Variants in EDDM3A observed in about 807,000 individuals in gnomAD.
EDDM3A encodes the protein epididymal secretory protein E3-alpha.
For missense variants in EDDM3A, 199 were observed against 177.4 expected (o/e 1.12, Z -0.69); for synonymous variants, 75 against 60.4 (o/e 1.24, Z -1.12).
At chr14:20,744,639 G>C (rs1178582371), upstream of EDDM3A, among the ~76,000 whole-genome samples, 2 of 152,182 alleles carry the variant, frequency 1.3e-5, no homozygotes, top group African/African-American at 4.8e-5. Flanking sequence ...TTTGAGCTGA[G>C]TTCAGGACTG....
upstream of EDDM3A, among the ~76,000 whole-genome samples, chr14:20,744,414 G>A (rs1467175097): frequency 6.6e-6 from 1 of 152,230 alleles, no homozygotes; most frequent in Non-Finnish European, 1.5e-5. Context: ...TTGGCTAGGA[G>A]CAGCCTTTGG....
Position 20,747,627 on chromosome 14 carries a change from G to A in EDDM3A, c.47G>A (p.Cys16Tyr), listed in dbSNP as rs1239591142. 6.2e-7 allele frequency: 1 copy of A among 1,613,306 alleles called. No homozygotes were observed. The highest frequency in any genetic ancestry group is 8.5e-7 in the Non-Finnish European group (1 of 1,179,652). The change falls in exon 2 of 2, where the codon TGC (cysteine) becomes TAC (tyrosine). Residue 16 changes from cysteine (C) to tyrosine (Y), a missense_variant. Transcript: ENST00000326842. ...TGGGGCATACTCTTGGCCCTGCTTTGCATCCTTTGCAGGCTGTGTGTATAC... is the reference window on the plus strand; with the variant it reads ...TGGGGCATACTCTTGGCCCTGCTTTACATCCTTTGCAGGCTGTGTGTATAC... The part of the protein sequence containing the change: ...KIWGILLALL[C>Y]ILCRLCVYSN...
At position 20,747,857 on chromosome 14, in the gene EDDM3A, T is replaced by C. The variant is rs749868875; in HGVS notation, c.277T>C (p.Tyr93His). Residue 93 changes from tyrosine to histidine, a missense_variant, in exon 2 of 2, where the codon TAT becomes CAT. Tyr to His is a moderately conservative substitution (Grantham distance 83). Coordinates refer to ENST00000326842, the MANE Select transcript of EDDM3A (RefSeq NM_006683.5). The part of the protein sequence containing the change: ...EKGSDRYRNA[Y>H]VWAPGALKVL... ...GGGGAGCGACCGATATAGAAATGCA[T>C]ATGTATGGGCCCCAGGTGCCCTCAA... is the stretch of plus-strand genomic sequence containing the variant. 2 of 1,614,018 alleles carry C rather than the reference T, an allele frequency of 1.2e-6. No homozygotes were observed. The highest frequency in any genetic ancestry group is 1.3e-5 in the African/African-American group (1 of 74,902).
chr14:20,739,148 T>G, the EDDM3A span, among the ~76,000 whole-genome samples: 14 of 152,326 alleles, frequency 9.2e-5, no homozygotes, highest in East Asian at 2.7e-3. Context: ...CTATAGTAGA[T>G]TCTCACAAAT....
At chr14:20,747,521 G>A (rs1877631960) in intron 1 of EDDM3A, 34 bp from the exon 2 acceptor site, 1 of 1,347,718 alleles carries the variant, frequency 7.4e-7, no homozygotes, top group Admixed American at 2.2e-5. Flanking sequence ...TCTGAGTATA[G>A]TCTGGTTAAT....
chr14:20,744,258 T>C (rs1005374579), upstream of EDDM3A, among the ~76,000 whole-genome samples: 7 of 152,176 alleles, frequency 4.6e-5, no homozygotes, highest in African/African-American at 1.7e-4. Context: ...CTATCTCCCG[T>C]CCATCCAGTC....
rs200399429 is a variant in EDDM3A at position 20,747,760 on chromosome 14, G to A, written c.180G>A (p.Leu60=). The A allele has an allele frequency of 2.9e-5, 47 of 1,614,180 alleles. No homozygotes were observed. The highest frequency in any genetic ancestry group is 3.3e-4 in the Middle Eastern group (2 of 6,062). ...TCCTCATGAGAGAAAAAGAGGCTCTGAAAGGCAAGAGCTTTCATATGTTCA... is the reference window on the plus strand; with the variant it reads ...TCCTCATGAGAGAAAAAGAGGCTCTAAAAGGCAAGAGCTTTCATATGTTCA... ...CDVLMREKEA[L]KGKSFHMFIY... The change falls in exon 2 of 2, where the codon CTG becomes CTA. Residue 60 remains leucine, a synonymous_variant. Coordinates refer to ENST00000326842, the MANE Select transcript of EDDM3A (RefSeq NM_006683.5).
At chr14:20,743,142 C>T (rs1379183524), upstream of EDDM3A, among the ~76,000 whole-genome samples, 1 of 152,198 alleles carries the variant, frequency 6.6e-6, no homozygotes, top group Non-Finnish European at 1.5e-5. Context: ...GTCCGTGGAT[C>T]ACAGATTAAG....
chr14:20,745,516 A>C, upstream of EDDM3A, among the ~76,000 whole-genome samples: 1 of 133,348 alleles, frequency 7.5e-6, no homozygotes, highest in Admixed American at 7.8e-5. Context: ...ACAGAGCGAG[A>C]CTCCATCTCA....
At chr14:20,740,326 C>T in the EDDM3A span, among the ~76,000 whole-genome samples, 1 of 152,260 alleles carries the variant, frequency 6.6e-6, no homozygotes, top group African/African-American at 2.4e-5. Context: ...TACTCTCTTG[C>T]TGCTGTAGCA....
At chr14:20,739,314 G>A in the EDDM3A span, among the ~76,000 whole-genome samples, 678 of 152,306 alleles carry the variant, frequency 4.5e-3, 32 homozygotes, top group East Asian at 0.1. Flanking sequence ...GAATGAATAT[G>A]CAGCTACCCA....
chr14:20,736,108 T>C, the EDDM3A span, among the ~76,000 whole-genome samples: 8 of 43,502 alleles, frequency 1.8e-4, no homozygotes, highest in Admixed American at 1.4e-3. Context: ...CCATCATCAC[T>C]TTTTTTTTTT....
chr14:20,745,756 T>C (rs1322315836), upstream of EDDM3A: 1 of 152,146 alleles, frequency 6.6e-6, no homozygotes, highest in African/African-American at 2.4e-5. Context: ...ACTGTTTGAG[T>C]GAGCCCAAGT....
At chr14:20,744,220 A>C (rs1877517825), upstream of EDDM3A, among the ~76,000 whole-genome samples, 2 of 152,208 alleles carry the variant, frequency 1.3e-5, no homozygotes, top group Non-Finnish European at 2.9e-5. Context: ...CCTAGAGAGT[A>C]GAAGGATGCA....
the EDDM3A span, among the ~76,000 whole-genome samples, chr14:20,737,054 C>CTTTTTTCTTTTTTTTTTTT: frequency 1.0e-4 from 11 of 109,964 alleles, no homozygotes; most frequent in African/African-American, 3.1e-4. Flanking sequence ...TTTCTTTTTC[C>CTTTTTTCTTTTTTTTTTTT]TTTTTTTTTT....
At position 20,748,344 on chromosome 14, in the gene EDDM3A, C is replaced by T. The variant is rs1877671715; in HGVS notation, c.*320C>T. 2 of 219,952 alleles carry T rather than the reference C, an allele frequency of 9.1e-6. No homozygotes were observed. Among genetic ancestry groups the T allele is most frequent in the African/African-American group, 4.6e-5 (2 of 43,102 alleles). 13.6% of individuals were successfully genotyped at this position (219,952 alleles called of 1,614,324 possible). On this transcript the variant is annotated 3_prime_UTR_variant, in exon 2 of 2. Transcript: ENST00000326842. The stretch of plus-strand genomic sequence containing the variant: ...TTTATACCTACCCAAGCTGAACGAC[C>T]CTCCTTTTCTTAAATAAAATATATT...
upstream of EDDM3A, among the ~76,000 whole-genome samples, chr14:20,743,799 T>A (rs1012918726): frequency 5.3e-5 from 8 of 152,210 alleles, no homozygotes; most frequent in African/African-American, 1.9e-4. Context: ...GCATTCATAG[T>A]GGCTAATTTC....
upstream of EDDM3A, among the ~76,000 whole-genome samples, chr14:20,743,078 C>A (rs567229256): frequency 6.6e-6 from 1 of 152,204 alleles, no homozygotes; most frequent in Non-Finnish European, 1.5e-5. Context: ...ATGTAATTTT[C>A]TGCACTGCAC....
At chr14:20,737,050 T>C in the EDDM3A span, among the ~76,000 whole-genome samples, 1 of 138,350 alleles carries the variant, frequency 7.2e-6, no homozygotes, top group African/African-American at 2.8e-5. Context: ...TTCTTTTCTT[T>C]TTCCTTTTTT....
Sources: allele counts gnomAD v4.1 joint callset (sites outside exome capture counted in the v4.1 genomes callset), GRCh38; gene constraint gnomAD v4.1.1; transcripts MANE v1.5; gene names NCBI Gene and HGNC (gene_info 2026-07-23, HGNC 2026-07-21).